Variants in HACD2 observed in about 807,000 individuals in gnomAD.
HACD2 encodes the protein very-long-chain (3R)-3-hydroxyacyl-CoA dehydratase 2.
Under a neutral mutation model 31.0 loss-of-function variants are expected in HACD2, and 15 were observed. The observed-to-expected ratio is 0.48, with a 90% CI of 0.32 to 0.75. The LOEUF (loss-of-function observed/expected upper bound fraction) is 0.75, where lower values mean the gene tolerates loss of function less well. HACD2 is among the 30% of genes least tolerant of loss of function. The pLI, the probability that HACD2 is intolerant of heterozygous loss-of-function variation, is 0.03. For missense variants in HACD2, 283 were observed against 313.0 expected, an observed-to-expected ratio of 0.90 and a Z score of 0.72; for synonymous variants, 115 against 122.2, an observed-to-expected ratio of 0.94 and a Z score of 0.39.
intron 4 of HACD2, among the ~76,000 whole-genome samples, chr3:123,521,222 G>A (rs1040063044): frequency 1.4e-4 from 21 of 152,282 alleles, no homozygotes; most frequent in African/African-American, 5.1e-4. Flanking sequence ...TAAATTAAAT[G>A]AGAGGGGGTT....
At position 123,528,437 on chromosome 3, in the gene HACD2, C is replaced by T. The variant is rs1290618641; in HGVS notation, c.330G>A (p.Gln110=). 6.2e-7 allele frequency: 1 copy of T among 1,613,044 alleles called. No individual in the cohort carries two copies. The highest frequency in any genetic ancestry group is 1.3e-5 in the African/African-American group (1 of 74,864). ...VPSSVVLTSF[Q]VMSRVFLIWA... The stretch of plus-strand genomic sequence containing the variant: ...ATATTAGAAAAACTCTTGACATCAC[C>T]TGGAAAGAAGTCAGGACAACAGAAG... Residue 110 remains glutamine (Q), a synonymous_variant, in exon 4 of 7, where the codon CAG becomes CAA. Transcript: ENST00000383657.
At chr3:123,580,355 G>C (rs2056952635) in intron 2 of HACD2, among the ~76,000 whole-genome samples, 1 of 152,070 alleles carries the variant, frequency 6.6e-6, no homozygotes, top group African/African-American at 2.4e-5. Flanking sequence ...GCACGCCTGT[G>C]GTCCCAGCTA....
chr3:123,574,575 T>G (rs2056888385), intron 2 of HACD2, among the ~76,000 whole-genome samples: 1 of 152,192 alleles, frequency 6.6e-6, no homozygotes, highest in African/African-American at 2.4e-5. Context: ...AAAAATAAAA[T>G]AAGCTGCCTA....
chr3:123,552,117 A>C (rs1255124126), intron 3 of HACD2, among the ~76,000 whole-genome samples: 1 of 152,150 alleles, frequency 6.6e-6, no homozygotes, highest in Non-Finnish European at 1.5e-5. Flanking sequence ...GAAGGCCTAA[A>C]TCTGAGCCAA....
chr3:123,564,712 A>T (rs1158611700), intron 3 of HACD2, among the ~76,000 whole-genome samples: 1 of 152,216 alleles, frequency 6.6e-6, no homozygotes, highest in Non-Finnish European at 1.5e-5. Context: ...ATATAGTAGT[A>T]TAAGGGAAAT....
chr3:123,551,237 G>C (rs2056616544), intron 3 of HACD2, among the ~76,000 whole-genome samples: 1 of 152,110 alleles, frequency 6.6e-6, no homozygotes, highest in African/African-American at 2.4e-5. Flanking sequence ...TTACCTCCTA[G>C]GCTTAAGGGC....
At chr3:123,569,197 C>A (rs1271160548) in intron 2 of HACD2, among the ~76,000 whole-genome samples, 2 of 152,104 alleles carry the variant, frequency 1.3e-5, no homozygotes, top group Non-Finnish European at 2.9e-5. Context: ...ATCTTACAGT[C>A]TTTTTCAATA....
chr3:123,538,502 A>G (rs529551955), intron 3 of HACD2, among the ~76,000 whole-genome samples: 2 of 152,312 alleles, frequency 1.3e-5, no homozygotes, highest in Admixed American at 6.5e-5. Context: ...AGGTGTCATC[A>G]TTGGTAAGAA....
At chr3:123,575,258 C>A (rs1191351109) in intron 2 of HACD2, among the ~76,000 whole-genome samples, 1 of 152,042 alleles carries the variant, frequency 6.6e-6, no homozygotes, top group Non-Finnish European at 1.5e-5. Context: ...TAATATGCGC[C>A]ACTGTATCCG....
intron 2 of HACD2, among the ~76,000 whole-genome samples, chr3:123,573,346 ACT>A (rs1174013188): frequency 6.6e-6 from 1 of 152,014 alleles, no homozygotes; most frequent in East Asian, 1.9e-4. Flanking sequence ...ACACCTTTCC[ACT>A]CTCTTCTGGT....
chr3:123,523,196 G>T (rs775926632), intron 4 of HACD2, among the ~76,000 whole-genome samples: 1 of 152,212 alleles, frequency 6.6e-6, no homozygotes, highest in Non-Finnish European at 1.5e-5. Flanking sequence ...AACAGGTCCG[G>T]AAGCAGGGGC....
chr3:123,532,946 A>G (rs11927656), intron 3 of HACD2, among the ~76,000 whole-genome samples: 24,239 of 151,936 alleles, frequency 0.16, 2,114 homozygotes, highest in Non-Finnish European at 0.2. Context: ...AGCCTCTCAT[A>G]CAGGTAGGAA....
intron 2 of HACD2, among the ~76,000 whole-genome samples, chr3:123,570,808 T>C (rs2056846328): frequency 1.3e-5 from 2 of 152,060 alleles, no homozygotes; most frequent in Non-Finnish European, 2.9e-5. Context: ...AAAACTGTAA[T>C]GCAAGAGGCA....
At chr3:123,553,351 A>G (rs190591768) in intron 3 of HACD2, among the ~76,000 whole-genome samples, 1 of 152,380 alleles carries the variant, frequency 6.6e-6, no homozygotes, top group Admixed American at 6.5e-5. Context: ...ATTTAAGGGA[A>G]GAAAAAGTCA....
chr3:123,508,496 G>A (rs1251008506), intron 4 of HACD2, among the ~76,000 whole-genome samples: 1 of 152,184 alleles, frequency 6.6e-6, no homozygotes, highest in East Asian at 1.9e-4. Flanking sequence ...TACATGAAAA[G>A]CTGTCATTTT....
At chr3:123,537,582 CAT>C (rs751620262) in intron 3 of HACD2, among the ~76,000 whole-genome samples, 6,366 of 142,746 alleles carry the variant, frequency 0.045, 326 homozygotes, top group African/African-American at 0.15. Context: ...AACAAATACA[CAT>C]ACACACACAC....
intron 3 of HACD2, among the ~76,000 whole-genome samples, chr3:123,536,703 C>CA (rs1397883414): frequency 6.6e-6 from 1 of 151,950 alleles, no homozygotes; most frequent in Non-Finnish European, 1.5e-5. Context: ...AGATCCAGAC[C>CA]AAAAAAATTA....
At chr3:123,535,998 T>C (rs531651978) in intron 3 of HACD2, among the ~76,000 whole-genome samples, 1 of 152,330 alleles carries the variant, frequency 6.6e-6, no homozygotes, top group Non-Finnish European at 1.5e-5. Context: ...AGAGATAAAG[T>C]ATATAAAGCA....
At chr3:123,519,934 G>A (rs2056192100) in intron 4 of HACD2, among the ~76,000 whole-genome samples, 2 of 152,200 alleles carry the variant, frequency 1.3e-5, no homozygotes, top group African/African-American at 2.4e-5. Flanking sequence ...AGTGAGAAAT[G>A]AGAATCTTCA....
Sources: allele counts gnomAD v4.1 joint callset (sites outside exome capture counted in the v4.1 genomes callset), GRCh38; gene constraint gnomAD v4.1.1; transcripts MANE v1.5; gene names NCBI Gene and HGNC (gene_info 2026-07-23, HGNC 2026-07-21).